NLGN1: variants seen among roughly 807,000 people sequenced by gnomAD.
NLGN1 encodes the protein neuroligin-1.
Under a neutral mutation model 65.5 loss-of-function variants are expected in NLGN1, and 12 were observed. That is an observed-to-expected ratio of 0.18 (90% CI 0.12 to 0.30). The LOEUF (loss-of-function observed/expected upper bound fraction) is 0.30, where lower values mean the gene tolerates loss of function less well. NLGN1 is among the 10% of genes least tolerant of loss of function. The pLI is 1.00. For missense variants in NLGN1, 750 were observed against 1,007.1 expected (o/e 0.74, Z 3.46); for synonymous variants, 350 against 359.5 (o/e 0.97, Z 0.30).
chr3:173,441,816 C>G (rs1719256171), intron 2 of NLGN1, among the ~76,000 whole-genome samples: 2 of 152,118 alleles, frequency 1.3e-5, no homozygotes. Flanking sequence ...CCATAAACTT[C>G]CAATTTGTGA....
At chr3:173,923,477 A>G (rs1011323822) in intron 4 of NLGN1, among the ~76,000 whole-genome samples, 2 of 152,192 alleles carry the variant, frequency 1.3e-5, no homozygotes, top group African/African-American at 4.8e-5. Context: ...TTAGAAGGGC[A>G]CTTCATAAAG....
chr3:174,191,813 T>A (rs540181828), intron 4 of NLGN1, among the ~76,000 whole-genome samples: 1 of 152,208 alleles, frequency 6.6e-6, no homozygotes, highest in Non-Finnish European at 1.5e-5. Flanking sequence ...GTTTGTTTGT[T>A]TTTGTCTTTG....
chr3:174,283,731 C>A (rs191385042), exon 7 of NLGN1: 1 of 151,242 alleles, frequency 6.6e-6, no homozygotes, highest in Non-Finnish European at 1.5e-5. Flanking sequence ...CTGTTAGAAG[C>A]AAAAGTCTTC....
chr3:173,766,660 G>A (rs1778829741), intron 3 of NLGN1, among the ~76,000 whole-genome samples: 1 of 152,126 alleles, frequency 6.6e-6, no homozygotes, highest in Non-Finnish European at 1.5e-5. Context: ...TAGAGGAGCA[G>A]CAGGACCTCC....
At chr3:174,197,360 A>C (rs1232137454) in intron 4 of NLGN1, among the ~76,000 whole-genome samples, 1 of 152,114 alleles carries the variant, frequency 6.6e-6, no homozygotes, top group Non-Finnish European at 1.5e-5. Flanking sequence ...TCTTGGTGGA[A>C]GAGGAAAAAT....
chr3:173,828,509 A>G (rs947591986), intron 4 of NLGN1, among the ~76,000 whole-genome samples: 2 of 152,304 alleles, frequency 1.3e-5, no homozygotes, highest in Admixed American at 6.5e-5. Flanking sequence ...TTGGACACAG[A>G]GCAGCAAACA....
chr3:173,969,442 C>T (rs1715673581), intron 4 of NLGN1, among the ~76,000 whole-genome samples: 1 of 152,000 alleles, frequency 6.6e-6, no homozygotes, highest in Non-Finnish European at 1.5e-5. Flanking sequence ...ATATATTACC[C>T]ATTCATAAAC....
rs1261318132 is a variant in NLGN1, at chr3:173,534,326, T to C, written c.-320-69953T>C. Among the ~76,000 whole-genome samples the C allele has an allele frequency of 2.0e-5, 3 of 152,218 alleles. No homozygotes were observed. In the East Asian group the frequency reaches 5.8e-4, roughly 29 times the overall value. ...CTTTATCTTGAAATTATAAATCATG[T>C]TCAATTTGCCCTTCTACTCGGATTC... On this transcript the variant is annotated intron_variant, in intron 2 of 6. Coordinates refer to ENST00000457714, the Ensembl canonical transcript of NLGN1.
intron 4 of NLGN1, among the ~76,000 whole-genome samples, chr3:174,048,496 G>C (rs767048640): frequency 6.6e-6 from 1 of 151,752 alleles, no homozygotes; most frequent in Admixed American, 6.6e-5. Flanking sequence ...ACTTTAAGGA[G>C]ACAGTTGGAA....
chr3:173,690,757 C>T lies in NLGN1; in HGVS notation c.493+85666C>T, dbSNP rs561432537. Among the ~76,000 whole-genome samples the T allele has an allele frequency of 2.6e-5, 4 of 152,168 alleles. No individual in the cohort carries two copies. In the East Asian group the frequency reaches 5.8e-4, roughly 22 times the overall value. On this transcript the variant is annotated intron_variant, in intron 3 of 6. Transcript: ENST00000457714. ...ATATAAGAATAAATGCACAACGAGG[C>T]ATAGATTTTTTAAAAAGATAAAAAG...
chr3:173,863,579 A>G (rs1395577836), intron 4 of NLGN1, among the ~76,000 whole-genome samples: 2 of 152,256 alleles, frequency 1.3e-5, no homozygotes, highest in Non-Finnish European at 2.9e-5. Flanking sequence ...TTAATAGACA[A>G]TAAGCCTCAG....
chr3:173,909,572 T>C (rs1739151701), intron 4 of NLGN1, among the ~76,000 whole-genome samples: 1 of 152,232 alleles, frequency 6.6e-6, no homozygotes, highest in Non-Finnish European at 1.5e-5. Flanking sequence ...TGGTAGATTA[T>C]ATTATTTTCT....
In NLGN1 at chr3:173,762,965, T is replaced by TACACACACACACACACACACAC. The variant is rs111427276; in HGVS notation, c.494-44701_494-44680dup. The stretch of plus-strand genomic sequence containing the variant: ...TGGGATTGTGTAAATTTGTCTCTGA[T>TACACACACACACACACACACAC]ACACACACACACACACACACACACA... On this transcript the variant is annotated intron_variant, in intron 3 of 6. Coordinates refer to ENST00000457714, the Ensembl canonical transcript of NLGN1. Among the ~76,000 whole-genome samples the TACACACACACACACACACACAC allele has an allele frequency of 9.9e-4, 142 of 143,350 alleles. 1 individual carries two copies. Among genetic ancestry groups the TACACACACACACACACACACAC allele is most frequent in the African/African-American group, 3.3e-3 (129 of 38,806 alleles). 94.0% of individuals were successfully genotyped at this position (143,350 alleles called of 152,430 possible).
downstream of NLGN1, among the ~76,000 whole-genome samples, chr3:174,290,553 AAAG>A (rs772012853): frequency 2.6e-5 from 4 of 151,178 alleles, no homozygotes; most frequent in African/African-American, 7.3e-5. Context: ...CATAAACAAT[AAAG>A]AAAACGAATA....
At chr3:173,671,150 C>T (rs918423150) in intron 3 of NLGN1, among the ~76,000 whole-genome samples, 1 of 152,102 alleles carries the variant, frequency 6.6e-6, no homozygotes, top group Non-Finnish European at 1.5e-5. Flanking sequence ...GCTTCCCTGG[C>T]AAAACTCTGA....
At chr3:173,458,229 G>A (rs538880614) in intron 2 of NLGN1, among the ~76,000 whole-genome samples, 5 of 152,154 alleles carry the variant, frequency 3.3e-5, no homozygotes, top group Non-Finnish European at 7.4e-5. Flanking sequence ...TTTATGTCAT[G>A]AGTGCAAAAA....
chr3:173,678,453 G>C (rs1225844650), intron 3 of NLGN1, among the ~76,000 whole-genome samples: 2 of 152,106 alleles, frequency 1.3e-5, no homozygotes, highest in Admixed American at 6.6e-5. Context: ...ACTAGGGCAG[G>C]CTTCACAAAG....
At chr3:173,979,677 T>C (rs888485087) in intron 4 of NLGN1, among the ~76,000 whole-genome samples, 1 of 152,146 alleles carries the variant, frequency 6.6e-6, no homozygotes, top group African/African-American at 2.4e-5. Context: ...GTGCAGAATT[T>C]TTCAAGATTA....
chr3:174,111,610 T>A (rs1430133314), intron 4 of NLGN1, among the ~76,000 whole-genome samples: 1 of 151,830 alleles, frequency 6.6e-6, no homozygotes, highest in Non-Finnish European at 1.5e-5. Context: ...CTACTTTTAA[T>A]TAATACATGT....
Sources: gnomAD v4.1 joint callset for allele counts (sites outside exome capture counted in the v4.1 genomes callset) on GRCh38, gnomAD v4.1.1 for gene constraint, MANE v1.5 for transcripts, NCBI Gene and HGNC (gene_info 2026-07-23, HGNC 2026-07-21) for gene names.